GLIS3: variants seen among roughly 807,000 people sequenced by gnomAD.
GLIS3 encodes zinc finger protein GLIS3.
Under a neutral mutation model 78.6 loss-of-function variants are expected in GLIS3, and 53 were observed. The ratio of observed to expected loss-of-function variants is 0.67; its 90% CI spans 0.54 to 0.85. GLIS3 has a LOEUF of 0.85. Among genes scored for constraint, GLIS3 ranks in the 40% least tolerant of loss-of-function variants. GLIS3 has a pLI of 0.00. For missense variants in GLIS3, 1,703 were observed against 1,231.1 expected (o/e 1.38, Z -5.74); for synonymous variants, 684 against 509.9 (o/e 1.34, Z -4.60).
Position 4,293,292 on chromosome 9 carries a change from T to G in GLIS3, c.-99+6129A>C, listed in dbSNP as rs563472927. ...ATCACTCAAACCAAATATTCAGGCATCTTATTGTGTCCCCATCACACATGT... is the reference window on the plus strand; with the variant it reads ...ATCACTCAAACCAAATATTCAGGCAGCTTATTGTGTCCCCATCACACATGT... On this transcript the variant is annotated intron_variant, in intron 1 of 10. Coordinates refer to ENST00000381971, the MANE Select transcript of GLIS3 (RefSeq NM_001042413.2). 2.6e-5 allele frequency among the ~76,000 whole-genome samples: 4 copies of G among 152,338 alleles called. No individual in the cohort carries two copies. The East Asian group carries it at 7.7e-4, about 29-fold the overall frequency.
chr9:3,985,717 T>C (rs1819688760), intron 4 of GLIS3, among the ~76,000 whole-genome samples: 1 of 152,268 alleles, frequency 6.6e-6, no homozygotes, highest in Non-Finnish European at 1.5e-5. Flanking sequence ...AGCAAAATTT[T>C]AGCTCATGTG....
intron 2 of GLIS3, among the ~76,000 whole-genome samples, chr9:4,183,446 A>G (rs2131182012): frequency 6.6e-6 from 1 of 152,320 alleles, no homozygotes; most frequent in African/African-American, 2.4e-5. Flanking sequence ...ATTTAGCCTC[A>G]TTCCCATTAA....
Position 4,257,548 on chromosome 9 carries a change from G to T in GLIS3, c.388+28490C>A, listed in dbSNP as rs912733286. On this transcript the variant is annotated intron_variant, in intron 2 of 10. Transcript: ENST00000381971. ...AGATGATAGACATGTTAATTTGCTT[G>T]ACAAATTAACATGTATATGTTGTTG... Among the ~76,000 whole-genome samples the T allele has an allele frequency of 3.1e-5, 4 of 128,090 alleles. No individual in the cohort carries two copies. The East Asian group carries it at 1.0e-3, about 32-fold the overall frequency. The allele number at this position is 128,090 out of a possible 152,430, so 84.0% of individuals were successfully genotyped here.
At chr9:4,139,742 C>A (rs146807151) in intron 2 of GLIS3, among the ~76,000 whole-genome samples, 3 of 152,162 alleles carry the variant, frequency 2.0e-5, no homozygotes, top group Admixed American at 6.5e-5. Flanking sequence ...ATTAGATTCT[C>A]GTAAGGAGCA....
At chr9:4,253,315 G>A (rs1307212631) in intron 2 of GLIS3, among the ~76,000 whole-genome samples, 1 of 152,256 alleles carries the variant, frequency 6.6e-6, no homozygotes, top group South Asian at 2.1e-4. Flanking sequence ...CCAGAGAGGG[G>A]GAATCTACAG....
At chr9:4,374,624 C>G in the GLIS3 span, among the ~76,000 whole-genome samples, 23 of 152,208 alleles carry the variant, frequency 1.5e-4, no homozygotes, top group Non-Finnish European at 3.1e-4. Context: ...TCCGACAAGG[C>G]TGTCAATCAG....
chr9:4,252,159 T>C (rs1392737271), intron 2 of GLIS3, among the ~76,000 whole-genome samples: 1 of 152,216 alleles, frequency 6.6e-6, no homozygotes, highest in African/African-American at 2.4e-5. Context: ...CCTGTCTTGC[T>C]AGGTTGGGGA....
At chr9:4,177,928 G>A (rs527956086) in intron 2 of GLIS3, among the ~76,000 whole-genome samples, 3 of 152,192 alleles carry the variant, frequency 2.0e-5, no homozygotes, top group Non-Finnish European at 2.9e-5. Context: ...TTGGTTCCTG[G>A]ATGAGATGAA....
intron 1 of GLIS3, among the ~76,000 whole-genome samples, chr9:4,297,654 C>A (rs1190947494): frequency 6.6e-6 from 1 of 152,186 alleles, no homozygotes; most frequent in Non-Finnish European, 1.5e-5. Flanking sequence ...ACCCTACTCC[C>A]TGTGATTCCG....
chr9:4,462,010 G>A, the GLIS3 span, among the ~76,000 whole-genome samples: 1 of 152,062 alleles, frequency 6.6e-6, no homozygotes, highest in Non-Finnish European at 1.5e-5. Context: ...AAATTTTCTG[G>A]TACAGTTCAA....
chr9:3,900,475 A>C (rs1823209088), intron 6 of GLIS3, among the ~76,000 whole-genome samples: 1 of 26,910 alleles, frequency 3.7e-5, no homozygotes, highest in Non-Finnish European at 9.4e-5. Flanking sequence ...GGTGTTAAAG[A>C]AGATTTGTAC....
At chr9:4,437,922 A>G in the GLIS3 span, among the ~76,000 whole-genome samples, 1 of 152,226 alleles carries the variant, frequency 6.6e-6, no homozygotes, top group Non-Finnish European at 1.5e-5. Flanking sequence ...CATAGAAAAT[A>G]TGTGTTAATT....
At chr9:3,880,935 C>A (rs1046874076) in intron 7 of GLIS3, among the ~76,000 whole-genome samples, 1 of 152,198 alleles carries the variant, frequency 6.6e-6, no homozygotes, top group Non-Finnish European at 1.5e-5. Context: ...TACCACAGTC[C>A]TCCAAAGAGG....
At chr9:4,467,567 G>T in the GLIS3 span, among the ~76,000 whole-genome samples, 1 of 152,208 alleles carries the variant, frequency 6.6e-6, no homozygotes, top group East Asian at 1.9e-4. Context: ...GCAGCTGAGG[G>T]ACCTGACTGT....
intron 4 of GLIS3, among the ~76,000 whole-genome samples, chr9:4,107,562 G>A (rs1830857239): frequency 6.6e-6 from 1 of 152,130 alleles, no homozygotes; most frequent in South Asian, 2.1e-4. Context: ...ATCATAGCAA[G>A]CCGCTGAGAT....
At chr9:4,110,210 C>A (rs1346020361) in intron 4 of GLIS3, among the ~76,000 whole-genome samples, 1 of 152,068 alleles carries the variant, frequency 6.6e-6, no homozygotes, top group Non-Finnish European at 1.5e-5. Flanking sequence ...CTAATTTTTT[C>A]CAGGACAATC....
intron 2 of GLIS3, among the ~76,000 whole-genome samples, chr9:4,205,642 G>T (rs1444143329): frequency 1.3e-5 from 2 of 152,194 alleles, no homozygotes; most frequent in Non-Finnish European, 2.9e-5. Flanking sequence ...GGAGAATCCA[G>T]GTCCTTGGTG....
intron 8 of GLIS3, among the ~76,000 whole-genome samples, chr9:3,867,063 G>T (rs1245441545): frequency 2.6e-5 from 4 of 152,192 alleles, no homozygotes; most frequent in Non-Finnish European, 5.9e-5. Context: ...TTGGGAAAAG[G>T]GAAGAATCTG....
rs895617219 is a variant in GLIS3 at position 4,143,570 on chromosome 9, A to C, written c.389-17629T>G. ...CGACAGAGCAAGACTGTCTCAAAAA[A>C]AAAAATAAAAACAAAAAAAAACTAC... On this transcript the variant is annotated intron_variant, in intron 2 of 10. Coordinates refer to ENST00000381971, the MANE Select transcript of GLIS3 (RefSeq NM_001042413.2). Among the ~76,000 whole-genome samples, 6 of 152,154 alleles carry C rather than the reference A, an allele frequency of 3.9e-5. No individual in the cohort carries two copies. The East Asian group carries it at 7.7e-4, about 20-fold the overall frequency.
Sources: gnomAD v4.1 joint callset for allele counts (sites outside exome capture counted in the v4.1 genomes callset) on GRCh38, gnomAD v4.1.1 for gene constraint, MANE v1.5 for transcripts, NCBI Gene and HGNC (gene_info 2026-07-23, HGNC 2026-07-21) for gene names.